KIAA1217: variants seen among roughly 807,000 people sequenced by gnomAD.
KIAA1217 encodes the protein KIAA1217, also known as sickle tail protein homolog.
Under a neutral mutation model 163.9 loss-of-function variants are expected in KIAA1217, and 88 were observed. That is an observed-to-expected ratio of 0.54 (90% CI 0.45 to 0.64). The LOEUF (loss-of-function observed/expected upper bound fraction) is 0.64. Ranked by LOEUF, KIAA1217 falls within the 30% of genes least tolerant of loss-of-function variation. KIAA1217 has a pLI of 0.00. For synonymous variants in KIAA1217, 903 were observed against 923.1 expected (o/e 0.98, Z 0.39); for missense variants, 2,372 against 2,475.0 (o/e 0.96, Z 0.88).
intron 2 of KIAA1217, among the ~76,000 whole-genome samples, chr10:24,369,844 A>G (rs2051322641): frequency 1.3e-5 from 2 of 152,220 alleles, no homozygotes; most frequent in Admixed American, 1.3e-4. Flanking sequence ...ACCTCAACCA[A>G]TGAGGATTTT....
chr10:24,482,988 C>T (rs1374269184), intron 6 of KIAA1217: 2 of 151,380 alleles, frequency 1.3e-5, no homozygotes, highest in African/African-American at 4.9e-5. Flanking sequence ...CTACTGCACT[C>T]CAGCCTGGGC....
intron 5 of KIAA1217, among the ~76,000 whole-genome samples, chr10:24,444,838 C>T (rs891609703): frequency 2.0e-5 from 3 of 152,172 alleles, no homozygotes; most frequent in Admixed American, 6.5e-5. Flanking sequence ...CCACCCACAG[C>T]AAGGGTACAG....
chr10:24,520,830 G>C (rs1373817159), intron 11 of KIAA1217, among the ~76,000 whole-genome samples: 2 of 143,766 alleles, frequency 1.4e-5, no homozygotes, highest in African/African-American at 2.6e-5. Context: ...TGGCAGCCTG[G>C]GTGGCAGAGT....
At chr10:23,829,706 T>C (rs1838082427) in intron 1 of KIAA1217, among the ~76,000 whole-genome samples, 1 of 152,168 alleles carries the variant, frequency 6.6e-6, no homozygotes, top group Non-Finnish European at 1.5e-5. Context: ...ATTTAAACAA[T>C]CCTCTACTGA....
chr10:23,859,390 G>C (rs1839853177), intron 1 of KIAA1217, among the ~76,000 whole-genome samples: 1 of 152,120 alleles, frequency 6.6e-6, no homozygotes, highest in Non-Finnish European at 1.5e-5. Context: ...TAATGATAAT[G>C]GTAACTTGAA....
chr10:23,909,905 G>T (rs141345238), intron 1 of KIAA1217, among the ~76,000 whole-genome samples: 1 of 152,070 alleles, frequency 6.6e-6, no homozygotes, highest in South Asian at 2.1e-4. Context: ...AATTTACACT[G>T]CCACCAACAG....
intron 2 of KIAA1217, among the ~76,000 whole-genome samples, chr10:24,010,544 C>G (rs1316942107): frequency 2.6e-5 from 4 of 151,902 alleles, no homozygotes; most frequent in South Asian, 2.1e-4. Context: ...ATCTTCCCCC[C>G]CTTCAAGTTT....
intron 1 of KIAA1217, among the ~76,000 whole-genome samples, chr10:23,735,587 T>C (rs1490958470): frequency 6.6e-6 from 1 of 152,082 alleles, no homozygotes; most frequent in Non-Finnish European, 1.5e-5. Flanking sequence ...TTGGGTCCCT[T>C]ATCTGTGAAA....
At chr10:24,087,913 GTGGC>G (rs2061760363) in intron 2 of KIAA1217, among the ~76,000 whole-genome samples, 1 of 73,642 alleles carries the variant, frequency 1.4e-5, no homozygotes, top group Non-Finnish European at 5.2e-5. Context: ...CAGAGCTGTG[GTGGC>G]CTCCCAAGCC....
chr10:24,043,451 C>T (rs927375057), intron 2 of KIAA1217, among the ~76,000 whole-genome samples: 5 of 152,058 alleles, frequency 3.3e-5, no homozygotes, highest in Admixed American at 1.3e-4. Context: ...TGTACTATTT[C>T]GAAGATGTAA....
chr10:24,247,197 GTGTGCAGATT>G (rs1265025455), intron 2 of KIAA1217, among the ~76,000 whole-genome samples: 2 of 147,462 alleles, frequency 1.4e-5, no homozygotes, highest in Non-Finnish European at 3.0e-5. Flanking sequence ...TCAGGGGTAT[GTGTGCAGATT>G]TGTTACATAG....
intron 2 of KIAA1217, among the ~76,000 whole-genome samples, chr10:24,242,743 C>G (rs2073258754): frequency 1.3e-5 from 2 of 152,180 alleles, no homozygotes; most frequent in South Asian, 4.1e-4. Flanking sequence ...ACAGCCTCAC[C>G]AGCATGTTAT....
intron 2 of KIAA1217, among the ~76,000 whole-genome samples, chr10:24,101,825 C>T (rs573760686): frequency 6.6e-6 from 1 of 152,074 alleles, no homozygotes; most frequent in African/African-American, 2.4e-5. Flanking sequence ...TTTAAATTGT[C>T]TGAACAGTAG....
At chr10:24,030,458 A>G (rs1406696321) in intron 2 of KIAA1217, among the ~76,000 whole-genome samples, 3 of 152,120 alleles carry the variant, frequency 2.0e-5, no homozygotes, top group Non-Finnish European at 4.4e-5. Context: ...TTCGCCTTCC[A>G]CCATGACTGT....
chr10:23,930,896 C>T (rs1327144127), intron 1 of KIAA1217, among the ~76,000 whole-genome samples: 1 of 152,170 alleles, frequency 6.6e-6, no homozygotes, highest in East Asian at 1.9e-4. Flanking sequence ...TGTCCTTCCT[C>T]ACGTGTGCCT....
intron 1 of KIAA1217, among the ~76,000 whole-genome samples, chr10:23,872,012 T>C (rs747838886): frequency 1.1e-4 from 16 of 152,074 alleles, no homozygotes; most frequent in Non-Finnish European, 2.4e-4. Flanking sequence ...TTATTCAGCT[T>C]TTCTGAGAAG....
intron 2 of KIAA1217, among the ~76,000 whole-genome samples, chr10:24,350,817 T>C (rs968263709): frequency 2.7e-4 from 35 of 130,646 alleles, no homozygotes; most frequent in African/African-American, 1.0e-3. Flanking sequence ...TGCGAGGAAG[T>C]GGTGAGTGAG....
At chr10:24,491,126 C>T (rs1377347511) in intron 6 of KIAA1217, among the ~76,000 whole-genome samples, 1 of 152,090 alleles carries the variant, frequency 6.6e-6, no homozygotes, top group Non-Finnish European at 1.5e-5. Flanking sequence ...AGCCAAGGAA[C>T]ATGCCGAAGG....
At position 24,537,410 on chromosome 10, in the gene KIAA1217, T is replaced by G. The variant is rs909576394; in HGVS notation, c.3534+517T>G. Reference sequence around the variant, plus strand: ...GGCCAACATGGTGAAACCCCATCTCTACTTAAAATACAAAAAATTAGCTGG... The same window carrying G: ...GGCCAACATGGTGAAACCCCATCTCGACTTAAAATACAAAAAATTAGCTGG... On this transcript the variant is annotated intron_variant, in intron 17 of 20. Transcript: ENST00000376454. Among the ~76,000 whole-genome samples the G allele has an allele frequency of 3.3e-5, 5 of 151,956 alleles. 1 individual carries two copies. Among genetic ancestry groups the G allele is most frequent in the African/African-American group, 4.8e-5 (2 of 41,362 alleles).
Sources: gnomAD v4.1 joint callset for allele counts (sites outside exome capture counted in the v4.1 genomes callset) on GRCh38, gnomAD v4.1.1 for gene constraint, MANE v1.5 for transcripts, NCBI Gene and HGNC (gene_info 2026-07-23, HGNC 2026-07-21) for gene names.